Variants in TBC1D5 observed in about 807,000 individuals in gnomAD.
The protein encoded by TBC1D5 is TBC1 domain family, member 5.
TBC1D5 carries 75 observed loss-of-function variants against 100.3 expected under a neutral mutation model. The observed-to-expected ratio is 0.75, with a 90% confidence interval of 0.62 to 0.91. TBC1D5 has a LOEUF of 0.91. Ranked by LOEUF, TBC1D5 falls within the 40% of genes least tolerant of loss-of-function variation. TBC1D5 has a pLI of 0.00. For synonymous variants in TBC1D5, 323 were observed against 325.6 expected, an observed-to-expected ratio of 0.99 and a Z score of 0.09; for missense variants, 910 against 942.4, an observed-to-expected ratio of 0.97 and a Z score of 0.45.
intron 1 of TBC1D5, among the ~76,000 whole-genome samples, chr3:17,675,932 A>AT (rs1221465965): frequency 6.6e-6 from 1 of 152,140 alleles, no homozygotes; most frequent in Non-Finnish European, 1.5e-5. Context: ...TGATATTGTT[A>AT]TACTCTCCTT....
At chr3:17,377,548 T>G (rs2152115003) in intron 9 of TBC1D5, among the ~76,000 whole-genome samples, 1 of 152,092 alleles carries the variant, frequency 6.6e-6, no homozygotes, top group East Asian at 1.9e-4. Context: ...GGATGCTCTT[T>G]TATAAAAAGA....
At chr3:17,319,457 T>C (rs1175326757) in intron 13 of TBC1D5, among the ~76,000 whole-genome samples, 1 of 147,660 alleles carries the variant, frequency 6.8e-6, no homozygotes, top group Non-Finnish European at 1.5e-5. Flanking sequence ...TTTTTGCAAA[T>C]GGCGAAAAAG....
chr3:17,441,836 C>T (rs904130524), intron 3 of TBC1D5, among the ~76,000 whole-genome samples: 3 of 152,108 alleles, frequency 2.0e-5, no homozygotes, highest in Non-Finnish European at 4.4e-5. Flanking sequence ...CTTGATTTCT[C>T]AATAAGACTT....
At chr3:17,662,493 G>A (rs1268683712) in intron 1 of TBC1D5, among the ~76,000 whole-genome samples, 1 of 152,202 alleles carries the variant, frequency 6.6e-6, no homozygotes, top group African/African-American at 2.4e-5. Flanking sequence ...CAATTTGACA[G>A]AGTAATGAGC....
chr3:17,402,402 TAA>T (rs1175934468), intron 8 of TBC1D5, among the ~76,000 whole-genome samples: 1 of 152,174 alleles, frequency 6.6e-6, no homozygotes, highest in African/African-American at 2.4e-5. Context: ...AGGATTACAT[TAA>T]GTTTACTAAC....
At chr3:17,738,099 C>A (rs1460436463) in intron 1 of TBC1D5, among the ~76,000 whole-genome samples, 1 of 152,160 alleles carries the variant, frequency 6.6e-6, no homozygotes, top group East Asian at 1.9e-4. Flanking sequence ...TTTTCTACAG[C>A]CCTACTTTCT....
chr3:17,705,577 G>A (rs1337994561), intron 1 of TBC1D5, among the ~76,000 whole-genome samples: 20 of 137,622 alleles, frequency 1.5e-4, no homozygotes, highest in South Asian at 2.6e-4. Context: ...ACGGGGTCTC[G>A]GCCGGGCAGA....
chr3:17,598,708 C>T (rs957882361), intron 2 of TBC1D5, among the ~76,000 whole-genome samples: 1 of 152,190 alleles, frequency 6.6e-6, no homozygotes, highest in Non-Finnish European at 1.5e-5. Context: ...TGCTTTACTT[C>T]TTAGAAAATA....
intron 17 of TBC1D5, among the ~76,000 whole-genome samples, chr3:17,234,097 T>C (rs1476874577): frequency 6.6e-6 from 1 of 152,094 alleles, no homozygotes; most frequent in Non-Finnish European, 1.5e-5. Context: ...AAGTAAGTTA[T>C]ATGTCATTTA....
intron 3 of TBC1D5, 129 bp downstream of exon 3, chr3:17,508,345 T>TAA (rs1447884081): frequency 1.1e-5 from 7 of 665,574 alleles, no homozygotes; most frequent in African/African-American, 3.6e-5. Flanking sequence ...CAGAATAACA[T>TAA]ACTTAACACT....
At chr3:17,302,693 G>C (rs567678389) in intron 14 of TBC1D5, among the ~76,000 whole-genome samples, 3 of 152,202 alleles carry the variant, frequency 2.0e-5, no homozygotes, top group African/African-American at 7.2e-5. Flanking sequence ...CCCATCCACT[G>C]AATCCCTAGA....
intron 1 of TBC1D5, among the ~76,000 whole-genome samples, chr3:17,718,697 T>C (rs201861389): frequency 6.6e-6 from 1 of 152,204 alleles, no homozygotes; most frequent in East Asian, 1.9e-4. Context: ...CCACTGTCTA[T>C]TTTCAGAACT....
At chr3:17,493,875 T>G (rs375301114) in intron 3 of TBC1D5, among the ~76,000 whole-genome samples, 1 of 152,314 alleles carries the variant, frequency 6.6e-6, no homozygotes, top group East Asian at 1.9e-4. Flanking sequence ...TAGAACATAC[T>G]CCTTTGGCTC....
rs543946685 is a variant in TBC1D5, at chr3:17,636,909, T to C, written c.-100-12996A>G. Among the ~76,000 whole-genome samples, 526 of 152,278 alleles carry C rather than the reference T, an allele frequency of 3.5e-3. 3 individuals carry two copies. Among genetic ancestry groups the C allele is most frequent in the African/African-American group, 0.012 (498 of 41,570 alleles). ...CAAGGATATGTGATAATTTAGCATTTGATAATGATAAAAATTTGTAAGACA... is the reference window on the plus strand; with the variant it reads ...CAAGGATATGTGATAATTTAGCATTCGATAATGATAAAAATTTGTAAGACA... On this transcript the variant is annotated intron_variant, in intron 1 of 21. Coordinates refer to ENST00000253692, the Ensembl canonical transcript of TBC1D5.
chr3:17,565,596 GTTT>G (rs781000780), intron 2 of TBC1D5, among the ~76,000 whole-genome samples: 42 of 151,988 alleles, frequency 2.8e-4, no homozygotes, highest in Non-Finnish European at 5.6e-4. Flanking sequence ...ACAACAAATA[GTTT>G]TTTATTTATT....
At position 17,629,111 on chromosome 3, in the gene TBC1D5, TTAAAA is replaced by T. The variant is rs1333459963; in HGVS notation, c.-100-5203_-100-5199del. 4.6e-5 allele frequency among the ~76,000 whole-genome samples: 7 copies of T among 152,250 alleles called. No individual in the cohort carries two copies. The South Asian group carries it at 1.0e-3, about 22-fold the overall frequency. ...AAGTATCAAATATCTATTTAGCTTA[TTAAAA>T]TAAAATATAGAATAGAAAATCATAA... On this transcript the variant is annotated intron_variant, in intron 1 of 21. Transcript: ENST00000253692.
intron 19 of TBC1D5, among the ~76,000 whole-genome samples, chr3:17,171,480 C>T (rs540963613): frequency 4.6e-5 from 7 of 152,158 alleles, no homozygotes; most frequent in Non-Finnish European, 4.4e-5. Flanking sequence ...ATGCTTCCTC[C>T]AAAGGTTCTA....
At chr3:17,468,688 A>T (rs1317935730) in intron 3 of TBC1D5, among the ~76,000 whole-genome samples, 1 of 152,182 alleles carries the variant, frequency 6.6e-6, no homozygotes, top group Admixed American at 6.5e-5. Context: ...AACAACCATG[A>T]TCTGCAGAAT....
intron 9 of TBC1D5, among the ~76,000 whole-genome samples, chr3:17,381,034 T>C (rs1449395933): frequency 6.6e-6 from 1 of 152,094 alleles, no homozygotes; most frequent in Non-Finnish European, 1.5e-5. Flanking sequence ...AGGTATTATT[T>C]TTCTGTAAAA....
Sources: gnomAD v4.1 joint callset for allele counts (sites outside exome capture counted in the v4.1 genomes callset) on GRCh38, gnomAD v4.1.1 for gene constraint, MANE v1.5 for transcripts, NCBI Gene and HGNC (gene_info 2026-07-23, HGNC 2026-07-21) for gene names.